The following PIEZO1 variants were observed in gnomAD, a reference collection of about 807,000 sequenced individuals.
PIEZO1 encodes the protein piezo-type mechanosensitive ion channel component 1.
Under a neutral mutation model 297.2 loss-of-function variants are expected in PIEZO1, and 296 were observed. The ratio of observed to expected loss-of-function variants is 1.00; its 90% CI spans 0.91 to 1.10. PIEZO1 has a LOEUF of 1.10. Ranked by LOEUF, PIEZO1 falls within the 50% of genes least tolerant of loss-of-function variation. The pLI is 0.00. For synonymous variants in PIEZO1, 2,427 were observed against 1,507.5 expected, an observed-to-expected ratio of 1.61 and a Z score of -14.13; for missense variants, 5,018 against 3,455.5, an observed-to-expected ratio of 1.45 and a Z score of -11.34.
At chr16:88,748,498 C>G (rs989351218) in intron 2 of PIEZO1, among the ~76,000 whole-genome samples, 15 of 151,740 alleles carry the variant, frequency 9.9e-5, no homozygotes, top group Admixed American at 2.6e-4. Flanking sequence ...TCCCCCCCCC[C>G]CCCGCACAAG....
Position 88,741,478 on chromosome 16 carries a change from C to T in PIEZO1, c.465G>A (p.Leu155=). 1.3e-6 allele frequency: 2 copies of T among 1,534,612 alleles called. No homozygotes were observed. The highest frequency in any genetic ancestry group is 1.7e-6 in the Non-Finnish European group (2 of 1,146,154). Reference sequence around the variant, plus strand: ...ACACGGGTGACGCAGCTGCCCTCACCAGCTCCCGTGGATGTGGGCTCTGCC... The same window carrying T: ...ACACGGGTGACGCAGCTGCCCTCACTAGCTCCCGTGGATGTGGGCTCTGCC... The part of the protein sequence containing the change: ...NTRQSPHPRE[L]DDDERDVDAS... Residue 155 remains leucine, a splice_region_variant and synonymous_variant, in exon 5 of 51, where the codon CTG becomes CTA. Transcript: ENST00000301015.
intron 7 of PIEZO1, 37 bp downstream of exon 7, chr16:88,738,190 G>C: frequency 6.5e-7 from 1 of 1,533,674 alleles, no homozygotes; most frequent in Non-Finnish European, 8.7e-7. Flanking sequence ...GCGGGACCAG[G>C]GTGGCAGGAA....
intron 1 of PIEZO1, among the ~76,000 whole-genome samples, chr16:88,783,215 C>T (rs561301371): frequency 6.6e-6 from 1 of 152,306 alleles, no homozygotes; most frequent in Admixed American, 6.5e-5. Context: ...GAAGGCAGAA[C>T]CCAGGCCCCC....
chr16:88,743,365 G>A (rs8048714), intron 2 of PIEZO1: 18 of 450,628 alleles, frequency 4.0e-5, no homozygotes, highest in Admixed American at 2.4e-4. Context: ...ACCCCGGCAC[G>A]TGCTGGCAGG....
In PIEZO1 at chr16:88,725,513, CT is replaced by C; in HGVS notation, c.4064del (p.Glu1355GlyfsTer98). ...GCTTCTCCTGCTTGGCACGGATACG[CT>C]CCATCCTGTGGTGGGGAAAGGTGGG... is the stretch of plus-strand genomic sequence containing the variant. Reference protein sequence around the residue: ...KSLAQLKRQMERIRAKQEKHR... With the variant: ...KSLAQLKRQMXRIRAKQEKHR... On this transcript the variant is annotated frameshift_variant, in exon 29 of 51. Coordinates refer to ENST00000301015, the MANE Select transcript of PIEZO1 (RefSeq NM_001142864.4). LOFTEE classifies it high-confidence loss of function. 6.5e-7 allele frequency: 1 copy of C among 1,536,574 alleles called. No individual in the cohort carries two copies. Among genetic ancestry groups the C allele is most frequent in the Non-Finnish European group, 8.8e-7 (1 of 1,138,690 alleles).
At chr16:88,777,815 T>C (rs1204782966) in intron 1 of PIEZO1, among the ~76,000 whole-genome samples, 1 of 152,190 alleles carries the variant, frequency 6.6e-6, no homozygotes, top group Non-Finnish European at 1.5e-5. Flanking sequence ...CCTGGGGTCC[T>C]TGAGGCCCCT....
chr16:88,731,878 C>A lies in PIEZO1; in HGVS notation c.3024G>T (p.Gly1008=), dbSNP rs1173709938. The change falls in exon 22 of 51, where the codon GGG becomes GGT. Residue 1008 remains glycine (G), a synonymous_variant. Coordinates refer to ENST00000301015, the MANE Select transcript of PIEZO1 (RefSeq NM_001142864.4). ...ICFLMAVNVI[G]QRMNFLVTLH... is the part of the protein sequence containing the mutation. ...GGGTCACCAGAAAGTTCATGCGCTGCCCGATCACGTTCACGGCCATCAGGA... is the reference window on the plus strand; with the variant it reads ...GGGTCACCAGAAAGTTCATGCGCTGACCGATCACGTTCACGGCCATCAGGA... The A allele has an allele frequency of 9.8e-7, 1 of 1,015,810 alleles. No homozygotes were observed. Among genetic ancestry groups the A allele is most frequent in the Admixed American group, 4.9e-5 (1 of 20,446 alleles). 62.9% of individuals were successfully genotyped at this position (1,015,810 alleles called of 1,614,324 possible). A position where few individuals can be genotyped will look rare whatever the true frequency, so the allele number is the denominator to read the frequency against.
At chr16:88,725,760 C>T (rs1597449206) in intron 27 of PIEZO1, 76 bp from the exon 28 acceptor site, 2 of 766,560 alleles carry the variant, frequency 2.6e-6, no homozygotes, top group Non-Finnish European at 4.5e-6. Context: ...GCTCCCCGCT[C>T]AGCCCGGGAC....
Position 88,723,994 on chromosome 16 carries a change from G to C in PIEZO1, c.4235-23C>G, listed in dbSNP as rs1415630333. The C allele has an allele frequency of 7.8e-6, 11 of 1,413,732 alleles. No homozygotes were observed. In the Admixed American group the frequency reaches 1.8e-4, roughly 23 times the overall value. 87.6% of individuals were successfully genotyped at this position (1,413,732 alleles called of 1,614,324 possible). A position where few individuals can be genotyped will look rare whatever the true frequency, so the allele number is the denominator to read the frequency against. On this transcript the variant is annotated intron_variant, in intron 30 of 50. Coordinates refer to ENST00000301015, the MANE Select transcript of PIEZO1 (RefSeq NM_001142864.4). Reference sequence around the variant, plus strand: ...TGACTGTGGGCAGGCAGCACTGAGAGCCAGCCTTCCATGCAGGGAGACTCC... The same window carrying C: ...TGACTGTGGGCAGGCAGCACTGAGACCCAGCCTTCCATGCAGGGAGACTCC...
Position 88,734,478 on chromosome 16 carries a change from C to T in PIEZO1, c.2058G>A (p.Val686=), listed in dbSNP as rs1317967929. ...TGCAGGCCAGGAGGAAGAAGCCGGGCACCAGGATGCTGGAGAAGAGCTCGG... is the reference window on the plus strand; with the variant it reads ...TGCAGGCCAGGAGGAAGAAGCCGGGTACCAGGATGCTGGAGAAGAGCTCGG... ...SVSELFSSIL[V]PGFFLLACIL... is the part of the protein sequence containing the mutation. The change falls in exon 16 of 51, where the codon GTG becomes GTA. Residue 686 remains valine, a synonymous_variant. Coordinates refer to ENST00000301015, the MANE Select transcript of PIEZO1 (RefSeq NM_001142864.4). The T allele has an allele frequency of 1.9e-6, 3 of 1,549,658 alleles. No homozygotes were observed. The African/African-American group carries it at 4.1e-5, about 21-fold the overall frequency.
Position 88,721,525 on chromosome 16 carries a change from G to A in PIEZO1, c.5403+13C>T, listed in dbSNP as rs1597444879. 1 of 1,546,648 alleles carries A rather than the reference G, an allele frequency of 6.5e-7. No individual in the cohort carries two copies. Among genetic ancestry groups the A allele is most frequent in the Non-Finnish European group, 8.7e-7 (1 of 1,144,272 alleles). On this transcript the variant is annotated intron_variant, in intron 38 of 50. Transcript: ENST00000301015. The stretch of plus-strand genomic sequence containing the variant: ...TGCCCAGCCCCGCATTGCCAGCCAA[G>A]GCTCACACTCACCAGCAGCTGGGAG...
intron 23 of PIEZO1, 98 bp downstream of exon 23, chr16:88,727,459 G>T: frequency 1.6e-6 from 1 of 641,364 alleles, no homozygotes; most frequent in Non-Finnish European, 2.7e-6. Context: ...CCACACCTCC[G>T]CCCGTGCACG....
intron 1 of PIEZO1, 122 bp downstream of exon 1, chr16:88,784,778 TG>T: frequency 1.5e-6 from 1 of 660,174 alleles, no homozygotes; most frequent in Non-Finnish European, 2.2e-6. Context: ...CGCGCGTCCC[TG>T]GGAATTTCCG....
In PIEZO1 at chr16:88,763,792, G is replaced by C. The variant is rs547171711; in HGVS notation, c.65-14313C>G. Among the ~76,000 whole-genome samples the C allele has an allele frequency of 2.6e-5, 4 of 152,308 alleles. No individual in the cohort carries two copies. The East Asian group carries it at 5.8e-4, about 22-fold the overall frequency. On this transcript the variant is annotated intron_variant, in intron 1 of 50. Coordinates refer to ENST00000301015, the MANE Select transcript of PIEZO1 (RefSeq NM_001142864.4). ...GTAAACAAGGTCGCTCTGTGACCTGGAGCTGGCCCCGCCCCCAGCATTCCA... is the reference window on the plus strand; with the variant it reads ...GTAAACAAGGTCGCTCTGTGACCTGCAGCTGGCCCCGCCCCCAGCATTCCA...
At chr16:88,760,191 G>A (rs1232387197) in intron 1 of PIEZO1, among the ~76,000 whole-genome samples, 1 of 152,132 alleles carries the variant, frequency 6.6e-6, no homozygotes, top group East Asian at 1.9e-4. Flanking sequence ...CCCCGGCCGT[G>A]GCTACAGACG....
chr16:88,741,010 C>T (rs768667040), intron 5 of PIEZO1: 2 of 154,326 alleles, frequency 1.3e-5, no homozygotes, highest in South Asian at 2.0e-4. Flanking sequence ...CCTCCCACTC[C>T]GAGGACAGAG....
At position 88,719,891 on chromosome 16, in the gene PIEZO1, G is replaced by A; in HGVS notation, c.6234C>T (p.Ala2078=). ...FVKCIYFALS[A]YQIRCGYPTR... The stretch of plus-strand genomic sequence containing the variant: ...TGGGGTAGCCGCAGCGGATCTGGTA[G>A]GCGGACAGGGCGAAGTAGATGCACT... Residue 2078 remains alanine, a synonymous_variant, in exon 43 of 51, where the codon GCC becomes GCT. Coordinates refer to ENST00000301015, the MANE Select transcript of PIEZO1 (RefSeq NM_001142864.4). 1 of 1,550,480 alleles carries A rather than the reference G, an allele frequency of 6.4e-7. No individual in the cohort carries two copies. The highest frequency in any genetic ancestry group is 8.7e-7 in the Non-Finnish European group (1 of 1,146,948).
intron 12 of PIEZO1, 116 bp from the exon 13 acceptor site, chr16:88,735,362 G>T: frequency 1.4e-6 from 1 of 721,044 alleles, no homozygotes; most frequent in Admixed American, 2.1e-5. Flanking sequence ...GCTGGCACCA[G>T]CCCATCCACC....
At position 88,728,515 on chromosome 16, in the gene PIEZO1, C is replaced by G. The variant is rs12598827; in HGVS notation, c.3197-854G>C. Among the ~76,000 whole-genome samples, 4 of 98,754 alleles carry G rather than the reference C, an allele frequency of 4.1e-5. No individual in the cohort carries two copies. The East Asian group carries it at 1.6e-3, about 41-fold the overall frequency. The allele number at this position is 98,754 out of a possible 152,430, so 64.8% of individuals were successfully genotyped here. On this transcript the variant is annotated intron_variant, in intron 22 of 50. Transcript: ENST00000301015. ...CTGGGGAACCCAGGACATGCTGAAC[C>G]CACAGCCCCATCTGCCACAGAGGGA...
Sources: allele counts gnomAD v4.1 joint callset (sites outside exome capture counted in the v4.1 genomes callset), GRCh38; gene constraint gnomAD v4.1.1; transcripts MANE v1.5; gene names NCBI Gene and HGNC (gene_info 2026-07-23, HGNC 2026-07-21).